GUCY1A2: variants seen among roughly 807,000 people sequenced by gnomAD.
GUCY1A2 encodes guanylate cyclase 1 soluble subunit alpha 2, also known as guanylate cyclase soluble subunit alpha-2.
Under a neutral mutation model 63.5 loss-of-function variants are expected in GUCY1A2, and 27 were observed. The ratio of observed to expected loss-of-function variants is 0.43; its 90% CI spans 0.31 to 0.59. The LOEUF (loss-of-function observed/expected upper bound fraction) is 0.59, where lower values mean the gene tolerates loss of function less well. GUCY1A2 is among the 20% of genes least tolerant of loss of function. The pLI is 0.11. For missense variants in GUCY1A2, 768 were observed against 913.3 expected (o/e 0.84, Z 2.05); for synonymous variants, 364 against 343.5 (o/e 1.06, Z -0.66).
intron 4 of GUCY1A2, among the ~76,000 whole-genome samples, chr11:106,919,910 C>G (rs1860419234): frequency 6.6e-6 from 1 of 152,060 alleles, no homozygotes; most frequent in African/African-American, 2.4e-5. Flanking sequence ...GTTACCTCCA[C>G]TGCTTTACTC....
At chr11:106,936,788 G>A (rs994048468) in intron 4 of GUCY1A2, 2 of 744,864 alleles carry the variant, frequency 2.7e-6, no homozygotes, top group African/African-American at 3.5e-5. Context: ...TAAATTATGA[G>A]AGCCCTCAAT....
At chr11:107,008,315 C>A (rs1411245268) in intron 1 of GUCY1A2, among the ~76,000 whole-genome samples, 1 of 151,310 alleles carries the variant, frequency 6.6e-6, no homozygotes, top group African/African-American at 2.4e-5. Flanking sequence ...TCATACTACC[C>A]AAAGTGAGAG....
intron 3 of GUCY1A2, among the ~76,000 whole-genome samples, chr11:106,972,081 A>G (rs749794216): frequency 4.6e-5 from 7 of 151,928 alleles, no homozygotes; most frequent in Non-Finnish European, 8.8e-5. Context: ...CAAAAACAAC[A>G]TAAGTCTGAG....
chr11:106,948,181 G>A (rs993038157), intron 3 of GUCY1A2, among the ~76,000 whole-genome samples: 3 of 151,908 alleles, frequency 2.0e-5, no homozygotes, highest in Non-Finnish European at 2.9e-5. Flanking sequence ...AATATTTTCC[G>A]GCCATAGAAA....
intron 4 of GUCY1A2, among the ~76,000 whole-genome samples, chr11:106,917,120 CA>C (rs1860379482): frequency 1.4e-5 from 2 of 145,412 alleles, no homozygotes; most frequent in South Asian, 4.8e-4. Context: ...AGAAAATAAA[CA>C]GAGCACTGAG....
chr11:106,698,173 G>A (rs1306401628), intron 7 of GUCY1A2, among the ~76,000 whole-genome samples: 1 of 127,944 alleles, frequency 7.8e-6, no homozygotes, highest in Non-Finnish European at 1.6e-5. Context: ...AAGCTGGAGT[G>A]CAGTGGTGTG....
chr11:106,780,759 T>C (rs1864444180), intron 5 of GUCY1A2, among the ~76,000 whole-genome samples: 1 of 148,830 alleles, frequency 6.7e-6, no homozygotes, highest in African/African-American at 2.6e-5. Flanking sequence ...CTGGAAAGTT[T>C]AAGTAATTGG....
chr11:107,002,226 T>C (rs1270205508), intron 1 of GUCY1A2, among the ~76,000 whole-genome samples: 5 of 152,182 alleles, frequency 3.3e-5, no homozygotes, highest in Admixed American at 6.5e-5. Flanking sequence ...TTCAACAGTA[T>C]AAAATATATT....
rs1030043633 is a variant in GUCY1A2 at position 106,827,687 on chromosome 11, T to C, written c.1207-17209A>G. 1.7e-5 allele frequency: 27 copies of C among 1,550,162 alleles called. No individual in the cohort carries two copies. In the Admixed American group the frequency reaches 4.3e-4, roughly 25 times the overall value. On this transcript the variant is annotated intron_variant, in intron 4 of 7. Transcript: ENST00000526355. ...AGCGTTTTTCTAACATGGTACTTGA[T>C]TGTTCTTCAACATCAAATTCTTCCA...
At chr11:106,784,417 G>C (rs1236956960) in intron 5 of GUCY1A2, among the ~76,000 whole-genome samples, 1 of 151,992 alleles carries the variant, frequency 6.6e-6, no homozygotes, top group Non-Finnish European at 1.5e-5. Flanking sequence ...GGGGTAGCCT[G>C]AAAATTGCCA....
At chr11:106,827,399 T>A (rs1858986219) in intron 4 of GUCY1A2, 2 of 1,520,232 alleles carry the variant, frequency 1.3e-6, no homozygotes, top group African/African-American at 2.7e-5. Flanking sequence ...CAGCCTTCAA[T>A]TTCATACACT....
chr11:106,949,634 T>C (rs1347780703), intron 3 of GUCY1A2, among the ~76,000 whole-genome samples: 1 of 152,148 alleles, frequency 6.6e-6, no homozygotes, highest in Non-Finnish European at 1.5e-5. Context: ...GCCTAATATT[T>C]CCCACACAAT....
chr11:106,985,762 A>T (rs185693833), intron 2 of GUCY1A2, among the ~76,000 whole-genome samples: 1 of 152,360 alleles, frequency 6.6e-6, no homozygotes, highest in East Asian at 1.9e-4. Context: ...AATAAAGCTC[A>T]CCACATTAGT....
chr11:106,750,924 C>T (rs1313130644), intron 6 of GUCY1A2, among the ~76,000 whole-genome samples: 1 of 151,910 alleles, frequency 6.6e-6, no homozygotes, highest in African/African-American at 2.4e-5. Context: ...AAAATAAAAT[C>T]AGTCATTCTG....
intron 4 of GUCY1A2, among the ~76,000 whole-genome samples, chr11:106,920,821 A>G (rs897505933): frequency 8.5e-5 from 13 of 152,064 alleles, no homozygotes; most frequent in African/African-American, 2.9e-4. Context: ...TTAAAAATCT[A>G]TACTTCACGG....
intron 6 of GUCY1A2, among the ~76,000 whole-genome samples, chr11:106,736,381 A>G (rs1365379967): frequency 6.6e-6 from 1 of 152,168 alleles, no homozygotes; most frequent in East Asian, 1.9e-4. Context: ...CATTTATTGA[A>G]GAGACGATCC....
intron 4 of GUCY1A2, among the ~76,000 whole-genome samples, chr11:106,878,165 TA>T (rs1228623769): frequency 2.0e-5 from 3 of 152,228 alleles, no homozygotes; most frequent in Admixed American, 2.0e-4. Context: ...TAAAAGCACT[TA>T]TACACTGTGA....
intron 4 of GUCY1A2, among the ~76,000 whole-genome samples, chr11:106,839,507 G>A (rs1247385194): frequency 6.6e-6 from 1 of 151,940 alleles, no homozygotes; most frequent in African/African-American, 2.4e-5. Flanking sequence ...TCCCATTACT[G>A]GGTATATACC....
At chr11:106,882,539 T>C (rs1859839089) in intron 4 of GUCY1A2, among the ~76,000 whole-genome samples, 1 of 151,870 alleles carries the variant, frequency 6.6e-6, no homozygotes, top group Admixed American at 6.6e-5. Flanking sequence ...TATAGTAAGA[T>C]AAAACATGTA....
Sources: gnomAD v4.1 joint callset for allele counts (sites outside exome capture counted in the v4.1 genomes callset) on GRCh38, gnomAD v4.1.1 for gene constraint, MANE v1.5 for transcripts, NCBI Gene and HGNC (gene_info 2026-07-23, HGNC 2026-07-21) for gene names.